Variants in GYPE observed in about 807,000 individuals in gnomAD.
The protein encoded by GYPE is glycophorin-E.
A neutral mutation model predicts 11.6 loss-of-function variants in GYPE; 8 were observed. The observed-to-expected ratio is 0.69, with a 90% CI of 0.41 to 1.25. GYPE has a LOEUF of 1.25. Ranked by LOEUF, GYPE falls within the 50% of genes most tolerant of loss-of-function variation. The pLI is 0.01. For synonymous variants in GYPE, 28 were observed against 29.6 expected (o/e 0.94, Z 0.18); for missense variants, 90 against 92.8 (o/e 0.97, Z 0.12).
chr4:143,888,132 G>GA (rs1744276888), intron 1 of GYPE, among the ~76,000 whole-genome samples: 1 of 94,678 alleles, frequency 1.1e-5, no homozygotes, highest in African/African-American at 3.8e-5. Context: ...GACATGTTAG[G>GA]ATAACGACTG....
intron 1 of GYPE, among the ~76,000 whole-genome samples, chr4:143,890,550 G>A (rs1310298245): frequency 7.2e-5 from 11 of 152,140 alleles, no homozygotes; most frequent in Non-Finnish European, 1.3e-4. Flanking sequence ...TGACTGCATG[G>A]TAGAATCATC....
At chr4:143,885,725 A>G (rs1744203627) in intron 1 of GYPE, among the ~76,000 whole-genome samples, 1 of 144,482 alleles carries the variant, frequency 6.9e-6, no homozygotes, top group Admixed American at 7.1e-5. Flanking sequence ...TCGATGTAAA[A>G]TTGTATACAC....
intron 1 of GYPE, among the ~76,000 whole-genome samples, chr4:143,886,372 T>G (rs62338493): frequency 0.9 from 121,776 of 136,060 alleles, 55,033 homozygotes; most frequent in East Asian, 1. Flanking sequence ...ATCCTCAAAT[T>G]CTAAAGCTTC....
chr4:143,901,362 C>T (rs554828366), intron 1 of GYPE, among the ~76,000 whole-genome samples: 4 of 152,104 alleles, frequency 2.6e-5, no homozygotes, highest in African/African-American at 9.6e-5. Flanking sequence ...TATATTAAAA[C>T]TTGTCCTGAT....
chr4:143,892,664 G>A (rs1443435605), intron 1 of GYPE, among the ~76,000 whole-genome samples: 71 of 151,912 alleles, frequency 4.7e-4, no homozygotes, highest in African/African-American at 1.5e-3. Context: ...ATTGCACTGT[G>A]GTCTGAGAGA....
chr4:143,903,648 A>T (rs1744951525), intron 1 of GYPE, among the ~76,000 whole-genome samples: 1 of 152,068 alleles, frequency 6.6e-6, no homozygotes, highest in Admixed American at 6.6e-5. Context: ...AGCCACATCA[A>T]GAGAGTTTCC....
intron 3 of GYPE, among the ~76,000 whole-genome samples, chr4:143,874,406 T>C (rs1315637180): frequency 1.3e-5 from 2 of 152,174 alleles, no homozygotes; most frequent in East Asian, 3.9e-4. Flanking sequence ...TTTATCATGG[T>C]GTGACTGTAA....
rs975520627 is a variant in GYPE at position 143,872,005 on chromosome 4, C to T, written c.*257G>A. 1.3e-5 allele frequency: 2 copies of T among 152,134 alleles called. No homozygotes were observed. Among genetic ancestry groups the T allele is most frequent in the African/African-American group, 2.4e-5 (1 of 41,382 alleles). The allele number at this position is 152,134 out of a possible 1,614,324, so 9.4% of individuals were successfully genotyped here. The stretch of plus-strand genomic sequence containing the variant: ...ACAATGAGGCATGGGATAAGGATTT[C>T]GTGATGAGAATCGGGCAGAACTGGA... On this transcript the variant is annotated 3_prime_UTR_variant, in exon 4 of 4. Coordinates refer to ENST00000358615, the MANE Select transcript of GYPE (RefSeq NM_198682.3).
chr4:143,878,552 A>T (rs1326218063), intron 2 of GYPE: 4 of 437,452 alleles, frequency 9.1e-6, no homozygotes. Flanking sequence ...CTGTTTTAAG[A>T]TTGACACATT....
rs1342321398 is a variant in GYPE, at chr4:143,871,318, A to T, written c.*944T>A. Reference sequence around the variant, plus strand: ...TTTTTATGGTTACGGGTGGCATATAATATACAGGTAAGCCAATGTTACAGG... The same window carrying T: ...TTTTTATGGTTACGGGTGGCATATATTATACAGGTAAGCCAATGTTACAGG... On this transcript the variant is annotated 3_prime_UTR_variant, in exon 4 of 4. Coordinates refer to ENST00000358615, the MANE Select transcript of GYPE (RefSeq NM_198682.3). 1 of 152,108 alleles carries T rather than the reference A, an allele frequency of 6.6e-6. No homozygotes were observed. Among genetic ancestry groups the T allele is most frequent in the African/African-American group, 2.4e-5 (1 of 41,412 alleles). The allele number at this position is 152,108 out of a possible 1,614,324, so 9.4% of individuals were successfully genotyped here.
In GYPE at chr4:143,883,587, A is replaced by G. The variant is rs550991035; in HGVS notation, c.38-3078T>C. On this transcript the variant is annotated intron_variant, in intron 1 of 3. Transcript: ENST00000358615. ...ATTAATAACATGTAATTAATTATGAATTAATAATTAATAATAACATGTAAT... is the reference window on the plus strand; with the variant it reads ...ATTAATAACATGTAATTAATTATGAGTTAATAATTAATAATAACATGTAAT... 1.4e-3 allele frequency among the ~76,000 whole-genome samples: 209 copies of G among 144,360 alleles called. 8 individuals carry two copies. Among genetic ancestry groups the G allele is most frequent in the African/African-American group, 5.1e-3 (200 of 39,436 alleles). The allele number at this position is 144,360 out of a possible 152,430, so 94.7% of individuals were successfully genotyped here.
chr4:143,901,509 G>C (rs1744867151), intron 1 of GYPE, among the ~76,000 whole-genome samples: 1 of 151,576 alleles, frequency 6.6e-6, no homozygotes, highest in Admixed American at 6.6e-5. Flanking sequence ...TTTTAGTTTA[G>C]TTCATTTATC....
chr4:143,893,273 G>T (rs1410186819), intron 1 of GYPE, among the ~76,000 whole-genome samples: 2 of 140,220 alleles, frequency 1.4e-5, no homozygotes, highest in African/African-American at 5.3e-5. Context: ...CAATTTGCCA[G>T]TCTGTGTCTT....
chr4:143,898,519 T>G (rs2149915812), intron 1 of GYPE, among the ~76,000 whole-genome samples: 1 of 152,332 alleles, frequency 6.6e-6, no homozygotes, highest in Admixed American at 6.5e-5. Context: ...CAATGATTCT[T>G]AAGTAATTAT....
At chr4:143,904,995 C>A (rs1465188797) in intron 1 of GYPE, among the ~76,000 whole-genome samples, 1 of 151,870 alleles carries the variant, frequency 6.6e-6, no homozygotes, top group Non-Finnish European at 1.5e-5. Flanking sequence ...TAGTAATGGA[C>A]CCACAGAGAA....
chr4:143,892,665 G>A lies in GYPE; in HGVS notation c.38-12156C>T, dbSNP rs1173197665. Among the ~76,000 whole-genome samples the A allele has an allele frequency of 2.0e-5, 3 of 151,876 alleles. No homozygotes were observed. In the East Asian group the frequency reaches 5.8e-4, roughly 29 times the overall value. ...TGAGTTCTAGTTTGATTGCACTGTG[G>A]TCTGAGAGACAGTTTGTTATAATTT... On this transcript the variant is annotated intron_variant, in intron 1 of 3. Coordinates refer to ENST00000358615, the MANE Select transcript of GYPE (RefSeq NM_198682.3).
chr4:143,894,545 G>C (rs1471312292), intron 1 of GYPE, among the ~76,000 whole-genome samples: 1 of 152,072 alleles, frequency 6.6e-6, no homozygotes, highest in Non-Finnish European at 1.5e-5. Context: ...ACCCTCAGCT[G>C]CAGGTCTGTC....
At chr4:143,904,868 A>G (rs1156460759) in intron 1 of GYPE, among the ~76,000 whole-genome samples, 1 of 152,206 alleles carries the variant, frequency 6.6e-6, no homozygotes, top group Non-Finnish European at 1.5e-5. Flanking sequence ...TATTGAATAC[A>G]ATTTAATAAT....
intron 1 of GYPE, among the ~76,000 whole-genome samples, chr4:143,902,688 G>A (rs1357075931): frequency 6.6e-6 from 1 of 151,184 alleles, no homozygotes; most frequent in Non-Finnish European, 1.5e-5. Context: ...CAACCAATAT[G>A]CTACTATAAA....
Sources: allele counts gnomAD v4.1 joint callset (sites outside exome capture counted in the v4.1 genomes callset), GRCh38; gene constraint gnomAD v4.1.1; transcripts MANE v1.5; gene names NCBI Gene and HGNC (gene_info 2026-07-23, HGNC 2026-07-21).